Variants in RBFOX1 observed in about 807,000 individuals in gnomAD.
The protein encoded by RBFOX1 is RNA binding fox-1 homolog 1.
Under a neutral mutation model 57.7 loss-of-function variants are expected in RBFOX1, and 8 were observed. The ratio of observed to expected loss-of-function variants is 0.14; its 90% CI spans 0.08 to 0.25. RBFOX1 has a LOEUF of 0.25. RBFOX1 is among the 10% of genes least tolerant of loss of function. The pLI is 1.00. For missense variants in RBFOX1, 611 were observed against 548.5 expected, an observed-to-expected ratio of 1.11 and a Z score of -1.14; for synonymous variants, 326 against 222.4, an observed-to-expected ratio of 1.47 and a Z score of -4.15.
chr16:6,234,444 T>C (rs1598636782), intron 1 of RBFOX1, among the ~76,000 whole-genome samples: 1 of 152,202 alleles, frequency 6.6e-6, no homozygotes, highest in Admixed American at 6.5e-5. Context: ...CATTTACCCT[T>C]CCTGCCACTT....
intron 3 of RBFOX1, among the ~76,000 whole-genome samples, chr16:6,779,225 A>T (rs540180075): frequency 7.2e-5 from 11 of 151,878 alleles, no homozygotes; most frequent in East Asian, 1.9e-4. Context: ...TCTCCATGAG[A>T]TCAATTTTTT....
intron 3 of RBFOX1, among the ~76,000 whole-genome samples, chr16:5,858,717 T>A (rs573714710): frequency 1.2e-4 from 19 of 152,356 alleles, no homozygotes; most frequent in African/African-American, 4.3e-4. Context: ...ATTTATTCAT[T>A]GGACATGTCT....
chr16:6,450,813 ATATACATATATATATATATATATG>A lies in RBFOX1; in HGVS notation c.-64+133758_-64+133781del. Among the ~76,000 whole-genome samples, 2 of 14,540 alleles carry A rather than the reference ATATACATATATATATATATATATG, an allele frequency of 1.4e-4. 1 individual carries two copies. The highest frequency in any genetic ancestry group is 2.2e-3 in the Admixed American group (2 of 930). 9.5% of individuals were successfully genotyped at this position (14,540 alleles called of 152,430 possible). A position where few individuals can be genotyped will look rare whatever the true frequency, so the allele number is the denominator to read the frequency against. The stretch of plus-strand genomic sequence containing the variant: ...TACATATATATATGTATATATATAT[ATATACATATATATATATATATATG>A]TGTATATATATATATATATATATAT... On this transcript the variant is annotated intron_variant, in intron 2 of 15. Coordinates refer to ENST00000550418, the MANE Select transcript of RBFOX1 (RefSeq NM_018723.4).
At chr16:7,239,727 A>C (rs2093959835) in intron 4 of RBFOX1, among the ~76,000 whole-genome samples, 1 of 152,074 alleles carries the variant, frequency 6.6e-6, no homozygotes, top group Non-Finnish European at 1.5e-5. Flanking sequence ...GCTGGTTAGA[A>C]TTTGCTGATG....
At chr16:6,231,037 AT>A (rs1213252180) in intron 1 of RBFOX1, among the ~76,000 whole-genome samples, 1 of 152,210 alleles carries the variant, frequency 6.6e-6, no homozygotes, top group Non-Finnish European at 1.5e-5. Context: ...CATGTTAGGT[AT>A]GAAATAGACT....
intron 2 of RBFOX1, among the ~76,000 whole-genome samples, chr16:5,496,422 C>A (rs947144923): frequency 6.6e-6 from 1 of 152,114 alleles, no homozygotes. Flanking sequence ...CTCCTTCTCA[C>A]TATTCAGCTT....
At chr16:5,429,898 G>A (rs1036109737) in intron 1 of RBFOX1, among the ~76,000 whole-genome samples, 28 of 152,172 alleles carry the variant, frequency 1.8e-4, no homozygotes, top group Non-Finnish European at 1.9e-4. Flanking sequence ...TCCTGAAGCT[G>A]ACATCCTTGT....
intron 2 of RBFOX1, among the ~76,000 whole-genome samples, chr16:6,540,777 C>G (rs1483841428): frequency 6.6e-6 from 1 of 152,146 alleles, no homozygotes; most frequent in Admixed American, 6.5e-5. Flanking sequence ...TAAAGTAACT[C>G]TTTAAAAAGA....
At chr16:7,444,762 G>T (rs142313944) in intron 4 of RBFOX1, among the ~76,000 whole-genome samples, 9 of 152,250 alleles carry the variant, frequency 5.9e-5, no homozygotes, top group African/African-American at 1.9e-4. Context: ...GAACCCCTGG[G>T]CTCAAGTGAT....
intron 4 of RBFOX1, among the ~76,000 whole-genome samples, chr16:7,119,169 A>T (rs1457290667): frequency 6.6e-6 from 1 of 152,190 alleles, no homozygotes; most frequent in East Asian, 1.9e-4. Context: ...GACTCAGACT[A>T]GAAACCTACA....
intron 2 of RBFOX1, among the ~76,000 whole-genome samples, chr16:6,330,259 G>T (rs558000680): frequency 1.3e-5 from 2 of 152,118 alleles, no homozygotes; most frequent in Non-Finnish European, 2.9e-5. Flanking sequence ...TTACTCCTGC[G>T]TAGTGGTGGC....
intron 3 of RBFOX1, among the ~76,000 whole-genome samples, chr16:5,676,596 C>G (rs58802654): frequency 0.13 from 19,518 of 152,108 alleles, 1,539 homozygotes; most frequent in East Asian, 0.32. Flanking sequence ...TGTGGTGGCT[C>G]ATACCTGTAA....
chr16:6,208,680 G>C (rs2097271617), intron 1 of RBFOX1, among the ~76,000 whole-genome samples: 1 of 152,156 alleles, frequency 6.6e-6, no homozygotes, highest in Non-Finnish European at 1.5e-5. Context: ...AAATTCAAAT[G>C]AATGGCCACT....
At chr16:7,083,817 G>T (rs1411629095) in intron 4 of RBFOX1, among the ~76,000 whole-genome samples, 1 of 152,060 alleles carries the variant, frequency 6.6e-6, no homozygotes, top group African/African-American at 2.4e-5. Flanking sequence ...TTTGCTTTCA[G>T]GTACACATAG....
chr16:5,915,847 G>T (rs1013575118), intron 4 of RBFOX1, among the ~76,000 whole-genome samples: 1 of 151,768 alleles, frequency 6.6e-6, no homozygotes. Context: ...AAAAAAAAAA[G>T]TTTATAGACT....
At chr16:7,151,856 A>G (rs962531896) in intron 4 of RBFOX1, among the ~76,000 whole-genome samples, 68 of 152,152 alleles carry the variant, frequency 4.5e-4, no homozygotes, top group African/African-American at 1.6e-3. Context: ...TCACAAGAGG[A>G]TTTCTGCTCC....
intron 14 of RBFOX1, among the ~76,000 whole-genome samples, chr16:7,707,090 CA>C (rs1357335944): frequency 6.6e-6 from 1 of 152,190 alleles, no homozygotes; most frequent in African/African-American, 2.4e-5. Context: ...AGAAGAGAGG[CA>C]TCCCTTCAGG....
At chr16:5,657,622 C>CTTTCTTTCTTTCTT (rs1433340400) in intron 3 of RBFOX1, among the ~76,000 whole-genome samples, 5 of 103,042 alleles carry the variant, frequency 4.9e-5, no homozygotes, top group Admixed American at 1.1e-4. Context: ...CTTTCTTTCT[C>CTTTCTTTCTTTCTT]TCTTTCTTTC....
intron 1 of RBFOX1, among the ~76,000 whole-genome samples, chr16:6,176,827 G>A (rs558066827): frequency 2.0e-4 from 31 of 152,204 alleles, no homozygotes; most frequent in African/African-American, 7.0e-4. Flanking sequence ...TCCTTACTGG[G>A]GGAGTGCTTG....
Sources: allele counts gnomAD v4.1 joint callset (sites outside exome capture counted in the v4.1 genomes callset), GRCh38; gene constraint gnomAD v4.1.1; transcripts MANE v1.5; gene names NCBI Gene and HGNC (gene_info 2026-07-23, HGNC 2026-07-21).